Variants in NDST3 observed in about 807,000 individuals in gnomAD.
NDST3 encodes bifunctional heparan sulfate N-deacetylase/N-sulfotransferase 3.
Under a neutral mutation model 96.1 loss-of-function variants are expected in NDST3, and 58 were observed. The ratio of observed to expected loss-of-function variants is 0.60; its 90% CI spans 0.49 to 0.75. The LOEUF (loss-of-function observed/expected upper bound fraction) is 0.75. NDST3 is among the 30% of genes least tolerant of loss of function. NDST3 has a pLI of 0.00. For missense variants in NDST3, 788 were observed against 1,034.2 expected, an observed-to-expected ratio of 0.76 and a Z score of 3.27; for synonymous variants, 333 against 359.7, an observed-to-expected ratio of 0.93 and a Z score of 0.84.
chr4:118,229,992 T>C (rs1234126209), intron 8 of NDST3, among the ~76,000 whole-genome samples: 4 of 152,188 alleles, frequency 2.6e-5, no homozygotes, highest in Admixed American at 2.6e-4. Flanking sequence ...CATAAAACAC[T>C]GATAGCTAAG....
chr4:118,038,487 G>A (rs1055471871), intron 1 of NDST3, among the ~76,000 whole-genome samples: 5 of 152,124 alleles, frequency 3.3e-5, no homozygotes, highest in African/African-American at 1.2e-4. Flanking sequence ...TTTAAAAATT[G>A]CAGTTCTAGA....
chr4:118,129,882 T>C (rs960586741), intron 4 of NDST3, among the ~76,000 whole-genome samples: 4 of 152,104 alleles, frequency 2.6e-5, no homozygotes, highest in African/African-American at 4.8e-5. Context: ...TGGGTGCATA[T>C]ATATTTTAAA....
chr4:118,202,692 T>G (rs1294747585), intron 6 of NDST3, among the ~76,000 whole-genome samples: 1 of 152,230 alleles, frequency 6.6e-6, no homozygotes, highest in Non-Finnish European at 1.5e-5. Context: ...CTAAAGGTGT[T>G]TATCTATTCT....
chr4:118,189,297 T>C (rs1737157389), intron 6 of NDST3, among the ~76,000 whole-genome samples: 1 of 152,150 alleles, frequency 6.6e-6, no homozygotes, highest in South Asian at 2.1e-4. Flanking sequence ...GTGCTCTGCC[T>C]GTCTCAGCCT....
At chr4:118,160,825 G>A (rs1278314038) in intron 6 of NDST3, among the ~76,000 whole-genome samples, 1 of 151,930 alleles carries the variant, frequency 6.6e-6, no homozygotes, top group African/African-American at 2.4e-5. Context: ...ATTTCCTCCT[G>A]TAGCTCGGAG....
At chr4:118,206,342 C>T (rs1003073820) in intron 6 of NDST3, among the ~76,000 whole-genome samples, 2 of 144,862 alleles carry the variant, frequency 1.4e-5, no homozygotes, top group African/African-American at 2.5e-5. Context: ...AAAGGCTAAC[C>T]TATTTGGACC....
At chr4:118,077,863 G>C (rs1243545113) in intron 2 of NDST3, among the ~76,000 whole-genome samples, 1 of 152,198 alleles carries the variant, frequency 6.6e-6, no homozygotes, top group Non-Finnish European at 1.5e-5. Context: ...GAAGCAGTCT[G>C]CTGGGCTGTA....
intron 6 of NDST3, among the ~76,000 whole-genome samples, chr4:118,202,361 C>G (rs1339180108): frequency 6.6e-6 from 1 of 152,078 alleles, no homozygotes. Context: ...TGAAAAATGG[C>G]TTTGGTAGTT....
intron 2 of NDST3, among the ~76,000 whole-genome samples, chr4:118,098,984 C>A (rs1333330235): frequency 1.8e-4 from 28 of 151,992 alleles, no homozygotes. Context: ...CAATAAGGAC[C>A]TTTTAAAGTT....
At chr4:118,175,031 G>C (rs1239519810) in intron 6 of NDST3, among the ~76,000 whole-genome samples, 2 of 152,096 alleles carry the variant, frequency 1.3e-5, no homozygotes, top group African/African-American at 2.4e-5. Context: ...AGTCTACAGA[G>C]GACTTCATGC....
At chr4:118,086,374 C>A (rs1022954654) in intron 2 of NDST3, among the ~76,000 whole-genome samples, 1 of 152,082 alleles carries the variant, frequency 6.6e-6, no homozygotes, top group Non-Finnish European at 1.5e-5. Flanking sequence ...TGATCCAGAT[C>A]CTCTTGTGTG....
chr4:118,086,823 G>A (rs1323077120), intron 2 of NDST3, among the ~76,000 whole-genome samples: 2 of 152,036 alleles, frequency 1.3e-5, no homozygotes, highest in Non-Finnish European at 2.9e-5. Flanking sequence ...TCATATTCAG[G>A]AAAGATTATA....
intron 1 of NDST3, among the ~76,000 whole-genome samples, chr4:118,044,086 T>C (rs1399803621): frequency 2.6e-5 from 4 of 152,184 alleles, no homozygotes; most frequent in African/African-American, 7.2e-5. Flanking sequence ...CAGATAAGAA[T>C]TGTATAAGTT....
At chr4:118,194,945 G>A (rs571829276) in intron 6 of NDST3, among the ~76,000 whole-genome samples, 1 of 152,204 alleles carries the variant, frequency 6.6e-6, no homozygotes, top group East Asian at 1.9e-4. Flanking sequence ...CTCCAGTTTT[G>A]TTCTTTTTGC....
At chr4:118,209,674 C>T (rs369621740) in intron 6 of NDST3, among the ~76,000 whole-genome samples, 1 of 152,172 alleles carries the variant, frequency 6.6e-6, no homozygotes, top group African/African-American at 2.4e-5. Flanking sequence ...CTGCTCCAAG[C>T]TAAATTGCTT....
intron 2 of NDST3, among the ~76,000 whole-genome samples, chr4:118,102,804 TTTATC>T (rs1729870361): frequency 6.6e-6 from 1 of 152,108 alleles, no homozygotes; most frequent in Non-Finnish European, 1.5e-5. Context: ...AATATCACTG[TTTATC>T]TTAAGTATAT....
chr4:118,233,088 G>A lies in NDST3; in HGVS notation c.1896G>A (p.Glu632=). ...LSNSPSPKTF[E]EVQFFNRNNY... ...ACTCCCCCAGCCCAAAAACCTTTGAGGAGGTACAGTTCTTTAATAGAAATA... is the reference window on the plus strand; with the variant it reads ...ACTCCCCCAGCCCAAAAACCTTTGAAGAGGTACAGTTCTTTAATAGAAATA... The change falls in exon 9 of 14, where the codon GAG becomes GAA. Residue 632 remains glutamate (E), a synonymous_variant. Coordinates refer to ENST00000296499, the MANE Select transcript of NDST3 (RefSeq NM_004784.3). The A allele has an allele frequency of 6.2e-7, 1 of 1,612,972 alleles. No individual in the cohort carries two copies. The highest frequency in any genetic ancestry group is 2.2e-5 in the East Asian group (1 of 44,816).
At chr4:118,119,216 G>A (rs1390010273) in intron 4 of NDST3, among the ~76,000 whole-genome samples, 9 of 152,068 alleles carry the variant, frequency 5.9e-5, no homozygotes, top group Admixed American at 5.9e-4. Flanking sequence ...AATGTCTATT[G>A]TCAATTATAA....
chr4:118,214,540 A>T (rs989049736), intron 6 of NDST3, among the ~76,000 whole-genome samples: 2 of 152,218 alleles, frequency 1.3e-5, no homozygotes, highest in Admixed American at 1.3e-4. Context: ...GTGGCTACTA[A>T]ACATATATTT....
Sources: allele counts gnomAD v4.1 joint callset (sites outside exome capture counted in the v4.1 genomes callset), GRCh38; gene constraint gnomAD v4.1.1; transcripts MANE v1.5; gene names NCBI Gene and HGNC (gene_info 2026-07-23, HGNC 2026-07-21).